Variants in PANK2 observed in about 807,000 individuals in gnomAD.
The protein encoded by PANK2 is pantothenate kinase 2, also known as pantothenate kinase 2, mitochondrial.
In PANK2, 36 loss-of-function variants were observed where a neutral mutation model predicts 43.1. The observed-to-expected ratio is 0.84, with a 90% CI of 0.64 to 1.10. The LOEUF (loss-of-function observed/expected upper bound fraction) is 1.10. PANK2 is among the 50% of genes least tolerant of loss of function. The pLI is 0.00. For synonymous variants in PANK2, 281 were observed against 238.2 expected (o/e 1.18, Z -1.66); for missense variants, 576 against 593.3 (o/e 0.97, Z 0.30).
At chr20:3,892,281 T>G (rs1042496663) in intron 1 of PANK2, among the ~76,000 whole-genome samples, 1 of 151,498 alleles carries the variant, frequency 6.6e-6, no homozygotes, top group African/African-American at 2.4e-5. Context: ...GAGGTGGAGG[T>G]TGCAGTGAGC....
chr20:3,899,385 G>A (rs938528878), intron 1 of PANK2, among the ~76,000 whole-genome samples: 11 of 151,252 alleles, frequency 7.3e-5, no homozygotes, highest in African/African-American at 2.7e-4. Context: ...TAGTCAGGCT[G>A]GTCTCGAACT....
chr20:3,894,077 A>G (rs2090166556), intron 1 of PANK2, among the ~76,000 whole-genome samples: 2 of 151,740 alleles, frequency 1.3e-5, no homozygotes, highest in African/African-American at 4.8e-5. Flanking sequence ...GATTACAGGC[A>G]TGTACCACCA....
At chr20:3,913,308 G>T (rs2090499053) in intron 4 of PANK2, among the ~76,000 whole-genome samples, 1 of 152,116 alleles carries the variant, frequency 6.6e-6, no homozygotes, top group Non-Finnish European at 1.5e-5. Context: ...TCACATTACA[G>T]TGTGAATCAG....
chr20:3,895,499 T>C (rs1028794738), intron 1 of PANK2, among the ~76,000 whole-genome samples: 6 of 130,950 alleles, frequency 4.6e-5, no homozygotes, highest in Non-Finnish European at 8.2e-5. Flanking sequence ...TTTTTTTTTC[T>C]TTTTTTTTTT....
At chr20:3,912,716 C>G in intron 4 of PANK2, 82 bp downstream of exon 4, 1 of 1,453,950 alleles carries the variant, frequency 6.9e-7, no homozygotes. Flanking sequence ...CTTTGAGAGG[C>G]CGAGATGGGC....
intron 4 of PANK2, among the ~76,000 whole-genome samples, chr20:3,913,594 C>G (rs1038632372): frequency 2.0e-4 from 30 of 151,998 alleles, no homozygotes; most frequent in Non-Finnish European, 4.4e-5. Context: ...CTCAGCCTCC[C>G]AAAGTGCTAG....
chr20:3,895,260 C>T (rs1460324594), intron 1 of PANK2, among the ~76,000 whole-genome samples: 3 of 151,624 alleles, frequency 2.0e-5, no homozygotes, highest in African/African-American at 4.8e-5. Context: ...GGAGACAGGG[C>T]GAGACTCCAT....
At position 3,910,703 on chromosome 20, in the gene PANK2, G is replaced by C. The variant is rs746727889; in HGVS notation, c.778G>C (p.Glu260Gln). The C allele has an allele frequency of 1.5e-5, 25 of 1,614,138 alleles. No homozygotes were observed. The highest frequency in any genetic ancestry group is 1.8e-5 in the Non-Finnish European group (21 of 1,180,018). ...TTACTTTGAAAACCCTGCTGATTCTGAAAAGTGTCAGAAGTTACCATTTGA... is the reference window on the plus strand; with the variant it reads ...TTACTTTGAAAACCCTGCTGATTCTCAAAAGTGTCAGAAGTTACCATTTGA... Residue 260 changes from glutamate (E) to glutamine (Q), a missense_variant, in exon 3 of 7, where the codon GAA becomes CAA. Coordinates refer to ENST00000610179, the MANE Select transcript of PANK2 (RefSeq NM_001386393.1).
At position 3,923,889 on chromosome 20, in the gene PANK2, G is replaced by A. The variant is rs2090684824; in HGVS notation, c.*595G>A. ...TTACTTTACACTAAATCCTGGGAAT[G>A]AATGTCTGGAGAGACAGGGCTTCTT... On this transcript the variant is annotated 3_prime_UTR_variant, in exon 7 of 7. Transcript: ENST00000610179. The A allele has an allele frequency of 6.4e-6, 1 of 155,776 alleles. No homozygotes were observed. Among genetic ancestry groups the A allele is most frequent in the Admixed American group, 6.3e-5 (1 of 15,978 alleles). The allele number at this position is 155,776 out of a possible 1,614,324, so 9.6% of individuals were successfully genotyped here. A position where few individuals can be genotyped will look rare whatever the true frequency, so the allele number is the denominator to read the frequency against.
At position 3,918,933 on chromosome 20, in the gene PANK2, T is replaced by G. The variant is rs1395412856; in HGVS notation, c.1332+137T>G. 3.5e-6 allele frequency: 5 copies of G among 1,432,106 alleles called. No homozygotes were observed. The African/African-American group carries it at 7.0e-5, about 20-fold the overall frequency. 88.7% of individuals were successfully genotyped at this position (1,432,106 alleles called of 1,614,324 possible). ...TGTTTTTTGTTTTTTTGAGACGGAG[T>G]CTCGCTCTGTCACCTAGGTTGGAGT... On this transcript the variant is annotated intron_variant, in intron 6 of 6. Coordinates refer to ENST00000610179, the MANE Select transcript of PANK2 (RefSeq NM_001386393.1).
In PANK2 at chr20:3,893,928, T is replaced by G. The variant is rs1226914158; in HGVS notation, c.298+4200T>G. On this transcript the variant is annotated intron_variant, in intron 1 of 6. Coordinates refer to ENST00000610179, the MANE Select transcript of PANK2 (RefSeq NM_001386393.1). ...ATGGGAGTTTTTTTTTTGTTTGTTT[T>G]TTGTTTTTTTTTTTTTTTTTTTAGA... is the stretch of plus-strand genomic sequence containing the variant. Among the ~76,000 whole-genome samples, 116 of 53,246 alleles carry G rather than the reference T, an allele frequency of 2.2e-3. 1 individual carries two copies. The highest frequency in any genetic ancestry group is 5.5e-3 in the African/African-American group (109 of 19,876). 34.9% of individuals were successfully genotyped at this position (53,246 alleles called of 152,430 possible).
At chr20:3,919,512 G>A (rs963611004) in intron 6 of PANK2, among the ~76,000 whole-genome samples, 4 of 152,146 alleles carry the variant, frequency 2.6e-5, no homozygotes, top group African/African-American at 4.8e-5. Context: ...ATGAATAGAT[G>A]AGTAAACCTC....
rs2090741502 is a variant in PANK2, at chr20:3,927,550, T to C, written c.*4256T>C. The stretch of plus-strand genomic sequence containing the variant: ...ACCTTTTTTTGAGGGAGTTACACAA[T>C]ACCTAGTGAGGAAACCCGAGGGCCA... On this transcript the variant is annotated 3_prime_UTR_variant, in exon 7 of 7. Transcript: ENST00000610179. 1 of 152,112 alleles carries C rather than the reference T, an allele frequency of 6.6e-6. No individual in the cohort carries two copies. Among genetic ancestry groups the C allele is most frequent in the Admixed American group, 6.5e-5 (1 of 15,274 alleles). The allele number at this position is 152,112 out of a possible 1,614,324, so 9.4% of individuals were successfully genotyped here. A position where few individuals can be genotyped will look rare whatever the true frequency, so the allele number is the denominator to read the frequency against.
chr20:3,904,089 C>T (rs1352502792), intron 1 of PANK2, among the ~76,000 whole-genome samples: 1 of 151,876 alleles, frequency 6.6e-6, no homozygotes, highest in Non-Finnish European at 1.5e-5. Flanking sequence ...AGCCACTGTG[C>T]CCGGCCAGTT....
intron 2 of PANK2, 102 bp from the exon 3 acceptor site, chr20:3,910,475 C>A: frequency 7.8e-7 from 1 of 1,284,286 alleles, no homozygotes; most frequent in Non-Finnish European, 1.1e-6. Flanking sequence ...TCTGTGAGTG[C>A]ACTTTCATGG....
intron 2 of PANK2, chr20:3,908,797 T>C (rs767067026): frequency 9.0e-5 from 18 of 199,876 alleles, no homozygotes; most frequent in African/African-American, 1.4e-4. Context: ...TGCTTTCTGA[T>C]GTGTTCTGTG....
intron 4 of PANK2, among the ~76,000 whole-genome samples, chr20:3,915,037 T>TTAGA (rs1307649322): frequency 2.0e-5 from 3 of 152,220 alleles, no homozygotes; most frequent in Non-Finnish European, 4.4e-5. Context: ...AAGTCCCTTA[T>TTAGA]TAGATACATA....
intron 1 of PANK2, among the ~76,000 whole-genome samples, chr20:3,893,745 C>T (rs139071324): frequency 0.016 from 2,384 of 152,084 alleles, 26 homozygotes; most frequent in Admixed American, 0.028. Flanking sequence ...TTCCGAGGAG[C>T]GTTGCTGTTG....
chr20:3,923,038 A>G (rs1363216299), intron 6 of PANK2, among the ~76,000 whole-genome samples: 1 of 152,104 alleles, frequency 6.6e-6, no homozygotes, highest in Non-Finnish European at 1.5e-5. Context: ...AAGTGCTTGG[A>G]TAGTCTAGGA....
Sources: allele counts gnomAD v4.1 joint callset (sites outside exome capture counted in the v4.1 genomes callset), GRCh38; gene constraint gnomAD v4.1.1; transcripts MANE v1.5; gene names NCBI Gene and HGNC (gene_info 2026-07-23, HGNC 2026-07-21).